TRPM7: variants seen among roughly 807,000 people sequenced by gnomAD.
TRPM7 encodes LTRPC ion channel family member 7.
A neutral mutation model predicts 229.7 loss-of-function variants in TRPM7; 134 were observed. That is an observed-to-expected ratio of 0.58 (90% CI 0.51 to 0.67). The LOEUF (loss-of-function observed/expected upper bound fraction) is 0.67, where lower values mean the gene tolerates loss of function less well. TRPM7 is among the 30% of genes least tolerant of loss of function. TRPM7 has a pLI of 0.00. For synonymous variants in TRPM7, 699 were observed against 715.2 expected (o/e 0.98, Z 0.36); for missense variants, 1,901 against 2,210.0 (o/e 0.86, Z 2.80).
At chr15:50,588,423 C>T (rs2059399591) in intron 27 of TRPM7, among the ~76,000 whole-genome samples, 1 of 152,092 alleles carries the variant, frequency 6.6e-6, no homozygotes, top group African/African-American at 2.4e-5. Context: ...TAGTACAATA[C>T]TTTAATCAAA....
At chr15:50,619,903 G>T in intron 12 of TRPM7, 105 bp from the exon 13 acceptor site, 1 of 972,418 alleles carries the variant, frequency 1.0e-6, no homozygotes, top group Non-Finnish European at 1.5e-6. Flanking sequence ...TTGTTTTGGA[G>T]TTATTTCCTT....
chr15:50,608,002 C>CTGCAG (rs1258494760), intron 19 of TRPM7, among the ~76,000 whole-genome samples: 2 of 139,970 alleles, frequency 1.4e-5, no homozygotes, highest in Non-Finnish European at 3.0e-5. Context: ...TTGCAGTGAG[C>CTGCAG]TGAGATCATG....
chr15:50,677,629 C>T (rs2062123371), intron 1 of TRPM7, among the ~76,000 whole-genome samples: 1 of 150,708 alleles, frequency 6.6e-6, no homozygotes, highest in Non-Finnish European at 1.5e-5. Flanking sequence ...ATCCCGGCTA[C>T]TCAGGAGGCT....
chr15:50,655,985 C>T (rs1385898374), intron 3 of TRPM7, among the ~76,000 whole-genome samples: 1 of 145,838 alleles, frequency 6.9e-6, no homozygotes. Flanking sequence ...CAGGGCAAGA[C>T]TCCATCTCAA....
chr15:50,570,677 TAAAAAAAA>T lies in TRPM7; in HGVS notation c.5309-530_5309-523del, dbSNP rs149970874. On this transcript the variant is annotated intron_variant, in intron 36 of 38. Transcript: ENST00000646667. ...GACCAACATGGTGAAACTTCATTCC[TAAAAAAAA>T]AAAAAAAAAAAAAAAAAGTTAGCCG... 5.8e-3 allele frequency among the ~76,000 whole-genome samples: 531 copies of T among 91,730 alleles called. 6 individuals carry two copies. The highest frequency in any genetic ancestry group is 0.022 in the African/African-American group (512 of 22,902). 60.2% of individuals were successfully genotyped at this position (91,730 alleles called of 152,430 possible). A position where few individuals can be genotyped will look rare whatever the true frequency, so the allele number is the denominator to read the frequency against.
intron 28 of TRPM7, among the ~76,000 whole-genome samples, chr15:50,586,072 T>C (rs754183748): frequency 3.9e-5 from 6 of 152,156 alleles, no homozygotes; most frequent in Non-Finnish European, 7.4e-5. Flanking sequence ...TAGAAAAATA[T>C]GTTGAATAAG....
In TRPM7 at chr15:50,628,177, T is replaced by A; in HGVS notation, c.1277A>T (p.His426Leu). 1.2e-6 allele frequency: 2 copies of A among 1,613,260 alleles called. No individual in the cohort carries two copies. The highest frequency in any genetic ancestry group is 1.7e-6 in the Non-Finnish European group (2 of 1,179,722). Residue 426 changes from histidine to leucine, a missense_variant, in exon 11 of 39, where the codon CAT (histidine) becomes CTT (leucine). His to Leu is a moderately conservative substitution (Grantham distance 99). Around this residue, in one of 8 missense-constraint regions of TRPM7, gnomAD observed 794 missense variants for 881.9 expected, o/e 0.90. Coordinates refer to ENST00000646667, the MANE Select transcript of TRPM7 (RefSeq NM_017672.6). ...CCACTGCTGTCCATAAACAAATACA[T>A]GATTTTTGGCAATGTCAACTCTATC... ...AWDRVDIAKN[H>L]VFVYGQQWLV...
intron 20 of TRPM7, among the ~76,000 whole-genome samples, 173 bp downstream of exon 20, chr15:50,607,027 A>G (rs1347169506): frequency 6.6e-6 from 1 of 151,318 alleles, no homozygotes; most frequent in Non-Finnish European, 1.5e-5. Context: ...CATACTCACT[A>G]ATCTCTATTC....
At chr15:50,592,702 AATG>A in intron 25 of TRPM7, 76 bp from the exon 26 acceptor site, 1 of 1,077,716 alleles carries the variant, frequency 9.3e-7, no homozygotes, top group Middle Eastern at 3.0e-4. Flanking sequence ...CTCAAATAAT[AATG>A]ATAAAAAGAG....
chr15:50,586,982 C>T (rs1363893701), intron 27 of TRPM7, among the ~76,000 whole-genome samples: 3 of 152,070 alleles, frequency 2.0e-5, no homozygotes, highest in South Asian at 2.1e-4. Context: ...AGCCACTGCA[C>T]TCCAGCCTGC....
chr15:50,618,672 G>A (rs555770865), intron 13 of TRPM7, among the ~76,000 whole-genome samples: 2 of 152,044 alleles, frequency 1.3e-5, no homozygotes, highest in South Asian at 2.1e-4. Context: ...TTTCTTACAC[G>A]CATATGTTAT....
At chr15:50,635,808 A>C (rs940864161) in intron 7 of TRPM7, among the ~76,000 whole-genome samples, 1 of 151,374 alleles carries the variant, frequency 6.6e-6, no homozygotes, top group Non-Finnish European at 1.5e-5. Context: ...GAAACCTCCT[A>C]TCTACCAAAA....
chr15:50,582,259 C>A (rs2054454504), intron 29 of TRPM7, among the ~76,000 whole-genome samples: 1 of 151,766 alleles, frequency 6.6e-6, no homozygotes, highest in Admixed American at 6.6e-5. Flanking sequence ...GCACACAGCC[C>A]CCACCGAGTT....
chr15:50,580,805 GC>G, intron 30 of TRPM7, 68 bp downstream of exon 30: 1 of 1,405,312 alleles, frequency 7.1e-7, no homozygotes, highest in Non-Finnish European at 9.7e-7. Context: ...GATGTAAAGA[GC>G]AGGAAAAAAG....
chr15:50,581,782 C>G (rs910945051), intron 29 of TRPM7, among the ~76,000 whole-genome samples: 9 of 152,094 alleles, frequency 5.9e-5, no homozygotes, highest in Middle Eastern at 3.4e-3. Context: ...CATTTCTAAT[C>G]TCTTCAAATT....
At chr15:50,634,274 T>C (rs567769076) in intron 8 of TRPM7, 108 bp downstream of exon 8, 25 of 850,120 alleles carry the variant, frequency 2.9e-5, no homozygotes, top group African/African-American at 1.6e-4. Context: ...TAAGCCAAGA[T>C]TGCACCACTG....
chr15:50,648,984 AT>A, intron 3 of TRPM7, 99 bp from the exon 4 acceptor site: 1 of 811,420 alleles, frequency 1.2e-6, no homozygotes, highest in Non-Finnish European at 1.8e-6. Context: ...AAGCTTTAAA[AT>A]TTTTATATTT....
intron 1 of TRPM7, among the ~76,000 whole-genome samples, chr15:50,686,095 T>A (rs941902423): frequency 6.6e-5 from 10 of 152,204 alleles, no homozygotes; most frequent in Non-Finnish European, 1.5e-4. Context: ...CTCCCTTTTT[T>A]CCATGTAAAA....
intron 38 of TRPM7, among the ~76,000 whole-genome samples, chr15:50,562,964 G>A (rs2141424252): frequency 6.6e-6 from 1 of 152,262 alleles, no homozygotes; most frequent in East Asian, 1.9e-4. Context: ...GGCAGAGGGA[G>A]GGTTAACTGC....
Sources: gnomAD v4.1 joint callset for allele counts (sites outside exome capture counted in the v4.1 genomes callset) on GRCh38, gnomAD v4.1.1 for gene constraint, gnomAD v4.1.1 regional missense constraint, MANE v1.5 for transcripts, NCBI Gene and HGNC (gene_info 2026-07-23, HGNC 2026-07-21) for gene names.